The following RNF111 variants were observed in gnomAD, a reference collection of about 807,000 sequenced individuals.
The protein encoded by RNF111 is E3 ubiquitin-protein ligase Arkadia.
RNF111 carries 17 observed loss-of-function variants against 95.1 expected under a neutral mutation model. That is an observed-to-expected ratio of 0.18 (90% confidence interval 0.12 to 0.27). The LOEUF is 0.27. Ranked by LOEUF, RNF111 falls within the 10% of genes least tolerant of loss-of-function variation. The pLI is 1.00. For missense variants in RNF111, 1,189 were observed against 1,210.4 expected (o/e 0.98, Z 0.26); for synonymous variants, 440 against 414.8 (o/e 1.06, Z -0.74).
rs1336088052 is a variant in RNF111, at chr15:59,055,703, C to T, written c.1029C>T (p.His343=). 9 of 1,613,682 alleles carry T rather than the reference C, an allele frequency of 5.6e-6. No individual in the cohort carries two copies. Among genetic ancestry groups the T allele is most frequent in the Non-Finnish European group, 7.6e-6 (9 of 1,179,854 alleles). ...TAAGGTCTCGTTCAACCCTTGGACACTCCAGATCTCATTGGAGCCAGGGTT... is the reference window on the plus strand; with the variant it reads ...TAAGGTCTCGTTCAACCCTTGGACATTCCAGATCTCATTGGAGCCAGGGTT... The part of the protein sequence containing the change: ...ESYRSRSTLG[H]SRSHWSQGSS... The change falls in exon 4 of 14, where the codon CAC becomes CAT. Residue 343 remains histidine, a synonymous_variant. Transcript: ENST00000348370.
At chr15:58,999,881 T>C (rs1261742368) in intron 1 of RNF111, among the ~76,000 whole-genome samples, 1 of 152,066 alleles carries the variant, frequency 6.6e-6, no homozygotes, top group Non-Finnish European at 1.5e-5. Flanking sequence ...GTGTCTTACA[T>C]GGCAGGAGCA....
At chr15:59,090,851 A>G (rs1352680608) in intron 11 of RNF111, among the ~76,000 whole-genome samples, 1 of 152,140 alleles carries the variant, frequency 6.6e-6, no homozygotes, top group East Asian at 1.9e-4. Context: ...TGAGGCCAGG[A>G]GTTTGAGACC....
chr15:59,081,502 A>T (rs563475953), intron 8 of RNF111, among the ~76,000 whole-genome samples: 145 of 151,022 alleles, frequency 9.6e-4, no homozygotes, highest in Middle Eastern at 3.4e-3. Context: ...TTCTTTTTTT[A>T]AAAAAAGAAC....
At chr15:59,034,459 C>G (rs1485981993) in intron 2 of RNF111, among the ~76,000 whole-genome samples, 2 of 152,124 alleles carry the variant, frequency 1.3e-5, no homozygotes, top group Non-Finnish European at 2.9e-5. Context: ...TCACTCTGTG[C>G]CAGTAATGTT....
At chr15:59,089,546 G>C in intron 10 of RNF111, 121 bp from the exon 11 acceptor site, 1 of 745,550 alleles carries the variant, frequency 1.3e-6, no homozygotes, top group African/African-American at 1.7e-5. Flanking sequence ...TATTCTTATT[G>C]AAGTCAAATT....
At chr15:59,051,600 A>T (rs1404005285) in intron 2 of RNF111, among the ~76,000 whole-genome samples, 7 of 151,836 alleles carry the variant, frequency 4.6e-5, no homozygotes, top group African/African-American at 1.2e-4. Flanking sequence ...ACATGGTGAA[A>T]CCCCATCTCT....
chr15:59,083,147 A>AAG (rs1269766545), intron 8 of RNF111, among the ~76,000 whole-genome samples: 1 of 151,844 alleles, frequency 6.6e-6, no homozygotes, highest in African/African-American at 2.4e-5. Context: ...GCCGCTTAAA[A>AAG]AAAAAAAGAA....
At chr15:59,084,377 A>G in intron 9 of RNF111, 123 bp downstream of exon 9, 1 of 933,392 alleles carries the variant, frequency 1.1e-6, no homozygotes, top group Non-Finnish European at 1.5e-6. Context: ...CCCCAGTTTA[A>G]CTGAGACACT....
Position 59,081,221 on chromosome 15 carries a change from T to G in RNF111, c.2234T>G (p.Leu745Arg). The change falls in exon 8 of 14, where the codon CTG becomes CGG. Residue 745 changes from leucine to arginine, a missense_variant. Physicochemically the swap from Leu to Arg is moderately radical, Grantham distance 102. This residue lies in a region of RNF111 where 1,024 missense variants were observed against 925.9 expected (regional missense o/e 1.11). Coordinates refer to ENST00000348370, the MANE Select transcript of RNF111 (RefSeq NM_017610.8). ...IPATAPPAQR[L>R]HPHEVMQRME... ...GCCACAGCACCTCCAGCACAGAGAC[T>G]GCATCCTCATGAAGTGATGCAGAGG... 3 of 1,614,202 alleles carry G rather than the reference T, an allele frequency of 1.9e-6. No individual in the cohort carries two copies. The South Asian group carries it at 3.3e-5, about 18-fold the overall frequency.
Position 59,055,673 on chromosome 15 carries a change from T to C in RNF111, c.1008-9T>C. On this transcript the variant is annotated splice_polypyrimidine_tract_variant and intron_variant, in intron 3 of 13. Coordinates refer to ENST00000348370, the MANE Select transcript of RNF111 (RefSeq NM_017610.8). Reference sequence around the variant, plus strand: ...TATATTTACTAACTTAATATTGATGTCATTTAAGGTCTCGTTCAACCCTTG... The same window carrying C: ...TATATTTACTAACTTAATATTGATGCCATTTAAGGTCTCGTTCAACCCTTG... 6.4e-7 allele frequency: 1 copy of C among 1,569,172 alleles called. No homozygotes were observed. The highest frequency in any genetic ancestry group is 1.2e-5 in the South Asian group (1 of 83,254).
intron 5 of RNF111, among the ~76,000 whole-genome samples, chr15:59,063,271 G>A (rs2042517498): frequency 6.6e-6 from 1 of 152,198 alleles, no homozygotes; most frequent in Non-Finnish European, 1.5e-5. Context: ...CATACCGTAA[G>A]TTATGTTAAA....
chr15:59,011,770 T>A (rs969630950), intron 1 of RNF111, among the ~76,000 whole-genome samples: 3 of 152,090 alleles, frequency 2.0e-5, no homozygotes, highest in Non-Finnish European at 4.4e-5. Context: ...AAATGTCTTA[T>A]CTCTAAATAC....
chr15:59,096,465 T>A lies in RNF111; in HGVS notation c.*1565T>A, dbSNP rs1596325860. ...TCATAATTAGTTTTTATAAAAACAG[T>A]TTACATTAAACATCTTGGAATTCAA... On this transcript the variant is annotated 3_prime_UTR_variant, in exon 14 of 14. Coordinates refer to ENST00000348370, the MANE Select transcript of RNF111 (RefSeq NM_017610.8). 4 of 167,138 alleles carry A rather than the reference T, an allele frequency of 2.4e-5. No individual in the cohort carries two copies. In the East Asian group the frequency reaches 5.0e-4, roughly 21 times the overall value. 10.4% of individuals were successfully genotyped at this position (167,138 alleles called of 1,614,324 possible).
At chr15:58,993,172 A>G (rs2038895542) in intron 1 of RNF111, among the ~76,000 whole-genome samples, 1 of 152,022 alleles carries the variant, frequency 6.6e-6, no homozygotes, top group Non-Finnish European at 1.5e-5. Context: ...TCCATCTCAA[A>G]AAAAAGAAAA....
In RNF111 at chr15:59,085,915, T is replaced by A. The variant is rs1200250037; in HGVS notation, c.2550+130T>A. On this transcript the variant is annotated intron_variant, in intron 10 of 13. Transcript: ENST00000348370. Reference sequence around the variant, plus strand: ...TTGAGAGTAATCTTGTTAGCTAAAATTGTGCTATAAAAAGGTATTAGATGT... The same window carrying A: ...TTGAGAGTAATCTTGTTAGCTAAAAATGTGCTATAAAAAGGTATTAGATGT... 6 of 829,968 alleles carry A rather than the reference T, an allele frequency of 7.2e-6. No individual in the cohort carries two copies. The African/African-American group carries it at 1.0e-4, about 14-fold the overall frequency. The allele number at this position is 829,968 out of a possible 1,614,324, so 51.4% of individuals were successfully genotyped here.
At chr15:59,069,189 G>T (rs1052669983) in intron 6 of RNF111, among the ~76,000 whole-genome samples, 1 of 151,968 alleles carries the variant, frequency 6.6e-6, no homozygotes, top group Non-Finnish European at 1.5e-5. Flanking sequence ...ATGTCATTTC[G>T]GTTTTGGTAA....
Position 59,051,423 on chromosome 15 carries a change from A to G in RNF111, c.881-882A>G, listed in dbSNP as rs981139669. On this transcript the variant is annotated intron_variant, in intron 2 of 13. Transcript: ENST00000348370. ...CAGTGAGCAGAGATGGCGCCACTGC[A>G]CTCCAGACTGGGCGATTGAGCGAGA... Among the ~76,000 whole-genome samples, 14 of 144,302 alleles carry G rather than the reference A, an allele frequency of 9.7e-5. No homozygotes were observed. The East Asian group carries it at 2.4e-3, about 25-fold the overall frequency. The allele number at this position is 144,302 out of a possible 152,430, so 94.7% of individuals were successfully genotyped here. A position where few individuals can be genotyped will look rare whatever the true frequency, so the allele number is the denominator to read the frequency against.
rs774060053 is a variant in RNF111 at position 59,031,400 on chromosome 15, C to T, written c.578C>T (p.Ser193Leu). Residue 193 changes from serine to leucine, a missense_variant, in exon 2 of 14, where the codon TCG (serine) becomes TTG (leucine). Physicochemically the swap from Ser to Leu is moderately radical, Grantham distance 145. Transcript: ENST00000348370. ...KWPRTETESV[S>L]GLLMKRPCLH... ...CCTCGGACTGAGACAGAATCTGTATCGGGATTGTTAATGAAAAGACCCTGT... is the reference window on the plus strand; with the variant it reads ...CCTCGGACTGAGACAGAATCTGTATTGGGATTGTTAATGAAAAGACCCTGT... The T allele has an allele frequency of 6.2e-6, 10 of 1,614,112 alleles. No individual in the cohort carries two copies. Among genetic ancestry groups the T allele is most frequent in the South Asian group, 4.4e-5 (4 of 91,078 alleles).
chr15:59,060,770 T>C (rs1210424804), intron 5 of RNF111, among the ~76,000 whole-genome samples: 1 of 151,142 alleles, frequency 6.6e-6, no homozygotes, highest in African/African-American at 2.4e-5. Context: ...TGTCTCCTGT[T>C]GTAGCTTTAT....
Sources: gnomAD v4.1 joint callset for allele counts (sites outside exome capture counted in the v4.1 genomes callset) on GRCh38, gnomAD v4.1.1 for gene constraint, gnomAD v4.1.1 regional missense constraint, MANE v1.5 for transcripts, NCBI Gene and HGNC (gene_info 2026-07-23, HGNC 2026-07-21) for gene names.